ABLIM3: variants seen among roughly 807,000 people sequenced by gnomAD.
ABLIM3 encodes the protein actin-binding LIM protein 3.
In ABLIM3, 61 loss-of-function variants were observed where a neutral mutation model predicts 109.5. The ratio of observed to expected loss-of-function variants is 0.56; its 90% CI spans 0.45 to 0.69. The LOEUF is 0.69. Among genes scored for constraint, ABLIM3 ranks in the 30% least tolerant of loss-of-function variants. The pLI is 0.00. For synonymous variants in ABLIM3, 300 were observed against 324.8 expected (o/e 0.92, Z 0.82); for missense variants, 796 against 889.5 (o/e 0.89, Z 1.34).
intron 2 of ABLIM3, among the ~76,000 whole-genome samples, chr5:149,158,821 T>C (rs78839587): frequency 0.016 from 2,460 of 152,272 alleles, 86 homozygotes; most frequent in African/African-American, 0.057. Flanking sequence ...ACACATCACA[T>C]GTACAAATGG....
chr5:149,210,575 G>A, intron 6 of ABLIM3, 151 bp from the exon 7 acceptor site: 1 of 660,918 alleles, frequency 1.5e-6, no homozygotes, highest in African/African-American at 1.8e-5. Flanking sequence ...ACAGTCAGAT[G>A]ATTCTTTCAT....
chr5:149,153,037 G>A (rs1753572063), intron 2 of ABLIM3, among the ~76,000 whole-genome samples: 1 of 151,956 alleles, frequency 6.6e-6, no homozygotes, highest in Non-Finnish European at 1.5e-5. Context: ...ATGAGTTAAC[G>A]CATTCATGAA....
At chr5:149,196,871 A>G (rs1758027841) in intron 3 of ABLIM3, among the ~76,000 whole-genome samples, 1 of 152,110 alleles carries the variant, frequency 6.6e-6, no homozygotes, top group Admixed American at 6.6e-5. Flanking sequence ...GTGGGGGTGG[A>G]TCTCACATAA....
intron 2 of ABLIM3, among the ~76,000 whole-genome samples, chr5:149,166,970 G>A (rs1754895809): frequency 6.6e-6 from 1 of 152,200 alleles, no homozygotes; most frequent in Admixed American, 6.5e-5. Flanking sequence ...CAGTGGGCCA[G>A]CAGAAGAGGT....
At chr5:149,181,897 C>G (rs779326011) in intron 2 of ABLIM3, among the ~76,000 whole-genome samples, 7 of 152,180 alleles carry the variant, frequency 4.6e-5, no homozygotes, top group Admixed American at 1.3e-4. Context: ...TCCATGACTC[C>G]TCAATCCGGA....
intron 18 of ABLIM3, among the ~76,000 whole-genome samples, chr5:149,248,879 C>CAT (rs1753664209): frequency 1.4e-5 from 1 of 70,854 alleles, no homozygotes; most frequent in Non-Finnish European, 4.9e-5. Flanking sequence ...CACACACACA[C>CAT]ACACACACAC....
At chr5:149,213,547 G>T (rs1759767378) in intron 7 of ABLIM3, among the ~76,000 whole-genome samples, 1 of 152,100 alleles carries the variant, frequency 6.6e-6, no homozygotes, top group South Asian at 2.1e-4. Flanking sequence ...GAGTGTAGTA[G>T]GTTGAAGGGT....
chr5:149,251,997 C>A (rs751602669), intron 21 of ABLIM3, among the ~76,000 whole-genome samples: 13 of 152,304 alleles, frequency 8.5e-5, no homozygotes, highest in Middle Eastern at 6.8e-3. Flanking sequence ...CAGCCCAACC[C>A]CTATCTTCAG....
chr5:149,220,081 G>A (rs1232136178), intron 8 of ABLIM3: 1 of 152,176 alleles, frequency 6.6e-6, no homozygotes, highest in African/African-American at 2.4e-5. Context: ...AGATATAGGT[G>A]TAGTAATTTC....
chr5:149,237,633 T>A (rs2127555368), intron 11 of ABLIM3, 30 bp downstream of exon 11: 1 of 1,612,570 alleles, frequency 6.2e-7, no homozygotes. Context: ...TCTCTGGGGC[T>A]ATTGTAGGAA....
At chr5:149,251,704 G>A (rs148685797) in intron 21 of ABLIM3, among the ~76,000 whole-genome samples, 123 of 152,252 alleles carry the variant, frequency 8.1e-4, no homozygotes, top group African/African-American at 2.8e-3. Context: ...ACTGTGGACC[G>A]AGGGTTGCCT....
At chr5:149,188,732 A>G (rs922181108) in intron 3 of ABLIM3, among the ~76,000 whole-genome samples, 2 of 152,180 alleles carry the variant, frequency 1.3e-5, no homozygotes, top group East Asian at 1.9e-4. Context: ...ACAAAGGCCC[A>G]TCTCTAAACA....
intron 2 of ABLIM3, among the ~76,000 whole-genome samples, chr5:149,142,398 G>A (rs1190045878): frequency 6.6e-6 from 1 of 152,182 alleles, no homozygotes; most frequent in Non-Finnish European, 1.5e-5. Flanking sequence ...AGCAGTGTGT[G>A]GCCATTGTCT....
At chr5:149,179,723 G>C (rs986064619) in intron 2 of ABLIM3, among the ~76,000 whole-genome samples, 1 of 151,928 alleles carries the variant, frequency 6.6e-6, no homozygotes, top group Admixed American at 6.6e-5. Context: ...CTATCAGGCT[G>C]TACTGTCATT....
intron 20 of ABLIM3, 109 bp downstream of exon 20, chr5:149,250,614 G>C: frequency 7.5e-7 from 1 of 1,329,164 alleles, no homozygotes; most frequent in Non-Finnish European, 1.1e-6. Context: ...TGGGGCTAGT[G>C]GTGGGTTAAC....
Position 149,240,676 on chromosome 5 carries a change from G to A in ABLIM3, c.1205G>A (p.Gly402Glu). The change falls in exon 14 of 24, where the codon GGG (glycine) becomes GAG (glutamate). Residue 402 changes from glycine (G) to glutamate (E), a missense_variant and splice_region_variant. Transcript: ENST00000309868. ...SRSPHHYYRSGPESGRSSPYH... is the reference protein window; with the variant it reads ...SRSPHHYYRSEPESGRSSPYH... Reference sequence around the variant, plus strand: ...GGCGACCACTTCCTGCGTGCTCCAGGGCCCGAGAGTGGCCGGAGCTCTCCA... The same window carrying A: ...GGCGACCACTTCCTGCGTGCTCCAGAGCCCGAGAGTGGCCGGAGCTCTCCA... 7 of 1,613,538 alleles carry A rather than the reference G, an allele frequency of 4.3e-6. No individual in the cohort carries two copies. The highest frequency in any genetic ancestry group is 5.9e-6 in the Non-Finnish European group (7 of 1,179,680).
chr5:149,217,079 G>A lies in ABLIM3; in HGVS notation c.757+33G>A, dbSNP rs375352453. On this transcript the variant is annotated intron_variant, in intron 8 of 23. Transcript: ENST00000309868. ...AATCTGACCCTCTGTAAGGCCTTCC[G>A]ACCTGCTCATGACTGGAAAGGAGAT... The A allele has an allele frequency of 7.1e-5, 113 of 1,581,984 alleles. No individual in the cohort carries two copies. In the East Asian group the frequency reaches 1.3e-3, roughly 19 times the overall value.
Position 149,230,649 on chromosome 5 carries a change from G to T in ABLIM3, c.758G>T (p.Gly253Val), listed in dbSNP as rs922112602. Reference sequence around the variant, plus strand: ...CTTCGTTATTTTCATGACCCCTTAGGTTCCGAGGTTTGGCACCCCATCTGC... The same window carrying T: ...CTTCGTTATTTTCATGACCCCTTAGTTTCCGAGGTTTGGCACCCCATCTGC... Reference protein sequence around the residue: ...FTEGEEMYLTGSEVWHPICKQ... With the variant: ...FTEGEEMYLTVSEVWHPICKQ... The change falls in exon 9 of 24, where the codon GGT (glycine) becomes GTT (valine). Residue 253 changes from glycine (G) to valine (V), a missense_variant and splice_region_variant. Coordinates refer to ENST00000309868, the MANE Select transcript of ABLIM3 (RefSeq NM_014945.5). 1.9e-6 allele frequency: 3 copies of T among 1,613,986 alleles called. No individual in the cohort carries two copies. Among genetic ancestry groups the T allele is most frequent in the Non-Finnish European group, 2.5e-6 (3 of 1,179,938 alleles).
At chr5:149,151,381 G>A (rs1753418168) in intron 2 of ABLIM3, among the ~76,000 whole-genome samples, 2 of 152,192 alleles carry the variant, frequency 1.3e-5, no homozygotes, top group South Asian at 4.1e-4. Flanking sequence ...CTGAGGGGTA[G>A]GGCCTCAAAT....
Sources: gnomAD v4.1 joint callset for allele counts (sites outside exome capture counted in the v4.1 genomes callset) on GRCh38, gnomAD v4.1.1 for gene constraint, MANE v1.5 for transcripts, NCBI Gene and HGNC (gene_info 2026-07-23, HGNC 2026-07-21) for gene names.